The following PRKCQ variants were observed in gnomAD, a reference collection of about 807,000 sequenced individuals.
The protein encoded by PRKCQ is protein kinase C theta type.
Under a neutral mutation model 91.2 loss-of-function variants are expected in PRKCQ, and 41 were observed. That is an observed-to-expected ratio of 0.45 (90% CI 0.35 to 0.58). The LOEUF (loss-of-function observed/expected upper bound fraction) is 0.58. Among genes scored for constraint, PRKCQ ranks in the 20% least tolerant of loss-of-function variants. The probability of loss-of-function intolerance (pLI) is 0.00; values close to 1 mark genes in which losing one functional copy is unlikely to be tolerated. For synonymous variants in PRKCQ, 307 were observed against 316.9 expected (o/e 0.97, Z 0.33); for missense variants, 673 against 896.5 (o/e 0.75, Z 3.18).
intron 15 of PRKCQ, 128 bp downstream of exon 15, chr10:6,456,546 T>G: frequency 2.4e-6 from 3 of 1,252,114 alleles, no homozygotes; most frequent in South Asian, 3.2e-5. Flanking sequence ...GTTTATGAGA[T>G]ACTTAAGAAA....
the PRKCQ span, among the ~76,000 whole-genome samples, chr10:6,394,432 T>C: frequency 1.3e-5 from 2 of 152,220 alleles, no homozygotes; most frequent in African/African-American, 4.8e-5. Context: ...GGGGAAGAAT[T>C]AGAACACAAA....
intron 1 of PRKCQ, among the ~76,000 whole-genome samples, chr10:6,564,695 G>C (rs1840773094): frequency 6.6e-6 from 1 of 152,118 alleles, no homozygotes; most frequent in Non-Finnish European, 1.5e-5. Flanking sequence ...CAAATCCCTA[G>C]CCCACAGAAT....
At chr10:6,561,622 C>T (rs1343566701) in intron 1 of PRKCQ, among the ~76,000 whole-genome samples, 1 of 152,158 alleles carries the variant, frequency 6.6e-6, no homozygotes, top group Non-Finnish European at 1.5e-5. Context: ...ATGTAGATCT[C>T]ACAGTATGAC....
At chr10:6,496,952 AT>A in intron 7 of PRKCQ, 82 bp downstream of exon 7, 1 of 1,260,178 alleles carries the variant, frequency 7.9e-7, no homozygotes, top group Middle Eastern at 2.7e-4. Context: ...AAGTTCTGGC[AT>A]TATTCTGAAG....
At chr10:6,502,367 G>A (rs1203021338) in intron 4 of PRKCQ, among the ~76,000 whole-genome samples, 1 of 152,212 alleles carries the variant, frequency 6.6e-6, no homozygotes, top group Non-Finnish European at 1.5e-5. Flanking sequence ...GTGGGGAAAA[G>A]CCAAAGGTGC....
At chr10:6,547,537 T>C (rs1208388115) in intron 1 of PRKCQ, among the ~76,000 whole-genome samples, 5 of 151,726 alleles carry the variant, frequency 3.3e-5, no homozygotes, top group South Asian at 2.1e-4. Flanking sequence ...AACAGAGATA[T>C]AGATCAATGG....
intron 12 of PRKCQ, among the ~76,000 whole-genome samples, chr10:6,467,307 GAGAGAGAGAGAGACAGAGAGAGACAGAC>G: frequency 7.3e-6 from 1 of 136,162 alleles, no homozygotes; most frequent in Non-Finnish European, 1.7e-5. Flanking sequence ...GAGAGAGAGA[GAGAGAGAGAGAGACAGAGAGAGACAGAC>G]AGAGAGAGAG....
chr10:6,479,299 T>C lies in PRKCQ; in HGVS notation c.1180-134A>G, dbSNP rs112852485. The C allele has an allele frequency of 1.7e-3, 1,633 of 959,344 alleles. 4 individuals are homozygous for C. The highest frequency in any genetic ancestry group is 5.7e-3 in the Admixed American group (210 of 36,650). 59.4% of individuals were successfully genotyped at this position (959,344 alleles called of 1,614,324 possible). A position where few individuals can be genotyped will look rare whatever the true frequency, so the allele number is the denominator to read the frequency against. The stretch of plus-strand genomic sequence containing the variant: ...TTCTCCAACCCCCATCCATCCTGCA[T>C]AGGCCATTCCTGAGACAAAATGGAG... On this transcript the variant is annotated intron_variant, in intron 11 of 17. Coordinates refer to ENST00000263125, the MANE Select transcript of PRKCQ (RefSeq NM_006257.5).
At chr10:6,478,939 T>A in intron 12 of PRKCQ, 53 bp downstream of exon 12, 1 of 1,589,310 alleles carries the variant, frequency 6.3e-7, no homozygotes, top group South Asian at 1.1e-5. Context: ...ATTGAAGGTA[T>A]CATGCTGAGA....
At position 6,430,974 on chromosome 10, in the gene PRKCQ, A is replaced by C; in HGVS notation, c.1837-36T>G. 3 of 1,601,676 alleles carry C rather than the reference A, an allele frequency of 1.9e-6. No individual in the cohort carries two copies. The highest frequency in any genetic ancestry group is 2.6e-6 in the Non-Finnish European group (3 of 1,173,554). ...GCAGAGCAGGAGCCCTGAGGTCTCC[A>C]GGGATGACCCTTTTGCATCAGGAGG... On this transcript the variant is annotated intron_variant, in intron 16 of 17. Transcript: ENST00000263125. The surrounding 1 kb of genome is among the most constrained non-coding windows in gnomAD (Gnocchi z 4.7).
chr10:6,567,050 GAGAGAA>G (rs1176367319), intron 1 of PRKCQ, among the ~76,000 whole-genome samples: 1 of 152,272 alleles, frequency 6.6e-6, no homozygotes, highest in Admixed American at 6.5e-5. Flanking sequence ...GAGAGTTAAA[GAGAGAA>G]AGAGAAAGAG....
the PRKCQ span, among the ~76,000 whole-genome samples, chr10:6,404,832 TTTC>T: frequency 7.3e-6 from 1 of 136,976 alleles, no homozygotes; most frequent in Non-Finnish European, 1.6e-5. Context: ...TCTTTCCTTC[TTTC>T]TTTCTTTCTT....
chr10:6,547,838 T>C (rs1366622886), intron 1 of PRKCQ, among the ~76,000 whole-genome samples: 4 of 150,826 alleles, frequency 2.7e-5, no homozygotes, highest in East Asian at 1.9e-4. Flanking sequence ...ACTTCATGTC[T>C]AAAACACCAA....
At chr10:6,507,861 T>A (rs1157977015) in intron 3 of PRKCQ, among the ~76,000 whole-genome samples, 1 of 152,222 alleles carries the variant, frequency 6.6e-6, no homozygotes, top group Non-Finnish European at 1.5e-5. Context: ...GCACTGGGAC[T>A]GGCTTCCTTG....
At chr10:6,417,598 T>C in the PRKCQ span, among the ~76,000 whole-genome samples, 2 of 152,240 alleles carry the variant, frequency 1.3e-5, no homozygotes, top group Admixed American at 6.5e-5. Context: ...CATCCATGCT[T>C]GTCCTGGCAT....
chr10:6,545,619 A>C (rs1839921851), intron 1 of PRKCQ, among the ~76,000 whole-genome samples: 1 of 152,156 alleles, frequency 6.6e-6, no homozygotes, highest in African/African-American at 2.4e-5. Context: ...CTTGATGGGG[A>C]CAGAGTCTCA....
At chr10:6,483,789 CCT>C (rs1836749305) in intron 10 of PRKCQ, among the ~76,000 whole-genome samples, 189 bp from the exon 11 acceptor site, 1 of 152,278 alleles carries the variant, frequency 6.6e-6, no homozygotes, top group Admixed American at 6.5e-5. Flanking sequence ...GGCAGCACCC[CCT>C]GTCTGTGAGC....
rs1835584141 is a variant in PRKCQ at position 6,465,226 on chromosome 10, A to G, written c.1354-822T>C. 6.6e-6 allele frequency among the ~76,000 whole-genome samples: 1 copy of G among 152,144 alleles called. No homozygotes were observed. The highest frequency in any genetic ancestry group is 1.5e-5 in the Non-Finnish European group (1 of 68,020). ...GGGGAGTGGGCGGGTCATGTCAGTC[A>G]TTCCTCCCTGAAGCTTGCAATCAAG... On this transcript the variant is annotated intron_variant, in intron 12 of 17. Coordinates refer to ENST00000263125, the MANE Select transcript of PRKCQ (RefSeq NM_006257.5). This position sits in a 1 kb window ranked among gnomAD's most constrained non-coding sequence, Gnocchi z 4.4.
chr10:6,411,298 G>C, the PRKCQ span, among the ~76,000 whole-genome samples: 681 of 152,280 alleles, frequency 4.5e-3, 5 homozygotes, highest in Middle Eastern at 0.01. Context: ...CACTTAGAAA[G>C]TTCCCTGGCA....
Sources: allele counts gnomAD v4.1 joint callset (sites outside exome capture counted in the v4.1 genomes callset), GRCh38; gene constraint gnomAD v4.1.1; non-coding constraint Gnocchi (gnomAD v3.1); transcripts MANE v1.5; gene names NCBI Gene and HGNC (gene_info 2026-07-23, HGNC 2026-07-21).